The following RAPGEF1 variants were observed in gnomAD, a reference collection of about 807,000 sequenced individuals.
The protein encoded by RAPGEF1 is CRK SH3-binding GNRP.
RAPGEF1 carries 33 observed loss-of-function variants against 143.3 expected under a neutral mutation model. The ratio of observed to expected loss-of-function variants is 0.23; its 90% CI spans 0.17 to 0.31. The LOEUF (loss-of-function observed/expected upper bound fraction) is 0.31, where lower values mean the gene tolerates loss of function less well. Among genes scored for constraint, RAPGEF1 ranks in the 10% least tolerant of loss-of-function variants. RAPGEF1 has a pLI of 1.00. For missense variants in RAPGEF1, 1,199 were observed against 1,645.4 expected (o/e 0.73, Z 4.69); for synonymous variants, 629 against 676.5 (o/e 0.93, Z 1.09).
At chr9:131,602,530 C>A (rs1373088008) in intron 14 of RAPGEF1, among the ~76,000 whole-genome samples, 1 of 152,174 alleles carries the variant, frequency 6.6e-6, no homozygotes, top group Non-Finnish European at 1.5e-5. Flanking sequence ...CGTCCCCACT[C>A]CATGCATAGA....
chr9:131,718,459 C>T (rs1052148835), intron 1 of RAPGEF1, among the ~76,000 whole-genome samples: 2 of 152,100 alleles, frequency 1.3e-5, no homozygotes, highest in East Asian at 1.9e-4. Context: ...ACCAAGAAGC[C>T]GGTTAGGAAG....
In RAPGEF1 at chr9:131,579,429, G is replaced by A; in HGVS notation, c.*68C>T. The A allele has an allele frequency of 1.9e-6, 3 of 1,567,646 alleles. No individual in the cohort carries two copies. The highest frequency in any genetic ancestry group is 1.7e-6 in the Non-Finnish European group (2 of 1,153,826). ...CCTGCCATGCGCCTAACAGGTCCAA[G>A]GTCCTCTCCGGTCTGGGAGCTGCCC... On this transcript the variant is annotated 3_prime_UTR_variant, in exon 27 of 27. Coordinates refer to ENST00000683357, the MANE Select transcript of RAPGEF1 (RefSeq NM_001377935.1).
Position 131,577,288 on chromosome 9 carries a change from C to T in RAPGEF1, c.*2209G>A, listed in dbSNP as rs1588125290. On this transcript the variant is annotated 3_prime_UTR_variant, in exon 27 of 27. Transcript: ENST00000683357. ...GCCCTGCTGCTCAGAACACCAAGGG[C>T]TCCCAGTGAGGGCCTGGGGAATTGC... 2 of 152,534 alleles carry T rather than the reference C, an allele frequency of 1.3e-5. No homozygotes were observed. The highest frequency in any genetic ancestry group is 4.8e-5 in the African/African-American group (2 of 41,612). 9.4% of individuals were successfully genotyped at this position (152,534 alleles called of 1,614,324 possible). A position where few individuals can be genotyped will look rare whatever the true frequency, so the allele number is the denominator to read the frequency against.
intron 1 of RAPGEF1, among the ~76,000 whole-genome samples, chr9:131,686,412 G>A (rs1367109411): frequency 6.6e-6 from 1 of 152,166 alleles, no homozygotes; most frequent in Non-Finnish European, 1.5e-5. Context: ...GTGTGATTTT[G>A]ACTATGGGTA....
intron 18 of RAPGEF1, 63 bp from the exon 19 acceptor site, chr9:131,590,041 C>T: frequency 1.4e-6 from 2 of 1,424,390 alleles, no homozygotes; most frequent in Middle Eastern, 1.8e-4. Context: ...GGAGGACTGA[C>T]TCCTGGTGAC....
Position 131,698,232 on chromosome 9 carries a change from C to T in RAPGEF1, c.61+41538G>A, listed in dbSNP as rs117747458. ...ATCATCATCCACAAAAATATTATTC[C>T]CATGCCTAACAAGCAAAGGGAGGAG... On this transcript the variant is annotated intron_variant, in intron 1 of 26. Transcript: ENST00000683357. Among the ~76,000 whole-genome samples, 78 of 152,288 alleles carry T rather than the reference C, an allele frequency of 5.1e-4. 1 individual carries two copies. In the East Asian group the frequency reaches 0.014, roughly 28 times the overall value.
At chr9:131,718,838 G>A (rs1375538972) in intron 1 of RAPGEF1, among the ~76,000 whole-genome samples, 1 of 152,150 alleles carries the variant, frequency 6.6e-6, no homozygotes, top group African/African-American at 2.4e-5. Flanking sequence ...TAGTGCCACG[G>A]GACTAGGCTG....
chr9:131,703,828 A>G (rs571200373), intron 1 of RAPGEF1, among the ~76,000 whole-genome samples: 1 of 152,330 alleles, frequency 6.6e-6, no homozygotes, highest in African/African-American at 2.4e-5. Context: ...AGGGTCCTTC[A>G]AGACCATCAG....
In RAPGEF1 at chr9:131,596,297, C is replaced by T; in HGVS notation, c.2689+1G>A. The T allele has an allele frequency of 6.2e-7, 1 of 1,613,880 alleles. No individual in the cohort carries two copies. The highest frequency in any genetic ancestry group is 8.5e-7 in the Non-Finnish European group (1 of 1,179,820). On this transcript the variant is annotated splice_donor_variant, in intron 17 of 26. Transcript: ENST00000683357. LOFTEE classifies it high-confidence loss of function. ...ATCTAGTGAGCTCACTGACACCCTA[C>T]CTTTCCTGTCAGTCTCAGTAGCATG... is the stretch of plus-strand genomic sequence containing the variant.
intron 1 of RAPGEF1, among the ~76,000 whole-genome samples, chr9:131,715,787 C>T (rs1017719277): frequency 6.6e-6 from 1 of 150,766 alleles, no homozygotes; most frequent in Non-Finnish European, 1.5e-5. Flanking sequence ...ATCACTTGAA[C>T]CCGGGAGGTG....
At chr9:131,611,808 A>G (rs140849602) in intron 12 of RAPGEF1, among the ~76,000 whole-genome samples, 30 of 152,344 alleles carry the variant, frequency 2.0e-4, no homozygotes, top group African/African-American at 7.0e-4. Flanking sequence ...TCCAGCCTAC[A>G]CACTTTTCTT....
At chr9:131,593,345 G>A (rs1416447498) in intron 17 of RAPGEF1, among the ~76,000 whole-genome samples, 4 of 152,180 alleles carry the variant, frequency 2.6e-5, no homozygotes, top group African/African-American at 9.7e-5. Flanking sequence ...AGAATGAAGT[G>A]GAATTTTAAA....
chr9:131,621,334 C>G lies in RAPGEF1; in HGVS notation c.1905+462G>C, dbSNP rs898371162. 6.6e-6 allele frequency among the ~76,000 whole-genome samples: 1 copy of G among 152,210 alleles called. No individual in the cohort carries two copies. The highest frequency in any genetic ancestry group is 1.5e-5 in the Non-Finnish European group (1 of 68,036). On this transcript the variant is annotated intron_variant, in intron 11 of 26. Coordinates refer to ENST00000683357, the MANE Select transcript of RAPGEF1 (RefSeq NM_001377935.1). The surrounding 1 kb of genome is among the most constrained non-coding windows in gnomAD (Gnocchi z 4.5). ...GCACTTGTTTTCCTTGGGCCCTCCCCGGCCAAGGCTGGGTTGTAAGTCACT... is the reference window on the plus strand; with the variant it reads ...GCACTTGTTTTCCTTGGGCCCTCCCGGGCCAAGGCTGGGTTGTAAGTCACT...
intron 12 of RAPGEF1, among the ~76,000 whole-genome samples, chr9:131,614,997 T>G (rs1382021704): frequency 6.6e-6 from 1 of 152,234 alleles, no homozygotes; most frequent in Middle Eastern, 3.2e-3. Flanking sequence ...AATAGACCTC[T>G]TAGTGAGAGT....
At chr9:131,737,970 A>T (rs1286026348) in intron 1 of RAPGEF1, among the ~76,000 whole-genome samples, 1 of 140,978 alleles carries the variant, frequency 7.1e-6, no homozygotes. Context: ...TCCGTCTCAA[A>T]AAAAAAAAAA....
chr9:131,653,324 T>C (rs1971588456), intron 1 of RAPGEF1, among the ~76,000 whole-genome samples: 6 of 152,248 alleles, frequency 3.9e-5, no homozygotes, highest in Admixed American at 3.9e-4. Context: ...TACACTGTTA[T>C]TTTTATTGTT....
At position 131,621,298 on chromosome 9, in the gene RAPGEF1, C is replaced by T. The variant is rs1960916403; in HGVS notation, c.1905+498G>A. Among the ~76,000 whole-genome samples, 1 of 152,192 alleles carries T rather than the reference C, an allele frequency of 6.6e-6. No individual in the cohort carries two copies. ...GAGTGGCTCTGTTTAAAGCCATCCT[C>T]CACTTCAATGGCACTTGTTTTCCTT... On this transcript the variant is annotated intron_variant, in intron 11 of 26. Transcript: ENST00000683357. This position sits in a 1 kb window ranked among gnomAD's most constrained non-coding sequence, Gnocchi z 4.5.
intron 1 of RAPGEF1, among the ~76,000 whole-genome samples, chr9:131,713,079 T>C (rs1166835007): frequency 6.6e-6 from 1 of 151,930 alleles, no homozygotes; most frequent in Non-Finnish European, 1.5e-5. Context: ...CAACAGAAAA[T>C]TTTTCTGATT....
chr9:131,697,067 C>CT (rs1335654068), intron 1 of RAPGEF1, among the ~76,000 whole-genome samples: 1 of 152,226 alleles, frequency 6.6e-6, no homozygotes, highest in Non-Finnish European at 1.5e-5. Flanking sequence ...GCTATTTTCT[C>CT]TTAGCAAACT....
Sources: allele counts gnomAD v4.1 joint callset (sites outside exome capture counted in the v4.1 genomes callset), GRCh38; gene constraint gnomAD v4.1.1; non-coding constraint Gnocchi (gnomAD v3.1); transcripts MANE v1.5; gene names NCBI Gene and HGNC (gene_info 2026-07-23, HGNC 2026-07-21).